Variants in ITGB5 observed in about 807,000 individuals in gnomAD.
ITGB5 encodes the protein integrin subunit beta 5, also known as integrin beta-5.
ITGB5 carries 38 observed loss-of-function variants against 84.8 expected under a neutral mutation model. The ratio of observed to expected loss-of-function variants is 0.45; its 90% CI spans 0.35 to 0.59. ITGB5 has a LOEUF of 0.59. Ranked by LOEUF, ITGB5 falls within the 20% of genes least tolerant of loss-of-function variation. The pLI, the probability that ITGB5 is intolerant of heterozygous loss-of-function variation, is 0.01. For missense variants in ITGB5, 905 were observed against 1,034.5 expected (o/e 0.87, Z 1.72); for synonymous variants, 393 against 414.4 (o/e 0.95, Z 0.63).
At chr3:124,771,852 T>TGTC (rs1408481445) in intron 11 of ITGB5, among the ~76,000 whole-genome samples, 2 of 152,018 alleles carry the variant, frequency 1.3e-5, no homozygotes, top group Non-Finnish European at 2.9e-5. Flanking sequence ...ATTAAGTCTA[T>TGTC]GTCTTCTAAG....
At chr3:124,822,909 G>A (rs66464554) in intron 5 of ITGB5, among the ~76,000 whole-genome samples, 15,447 of 152,204 alleles carry the variant, frequency 0.1, 929 homozygotes, top group South Asian at 0.2. Flanking sequence ...GGAGGAGGGA[G>A]AGGCTTCCCA....
chr3:124,880,820 T>G (rs529156536), intron 1 of ITGB5, among the ~76,000 whole-genome samples: 4 of 151,406 alleles, frequency 2.6e-5, no homozygotes, highest in South Asian at 2.1e-4. Flanking sequence ...TCCCAGCTAC[T>G]TGGAAGGCTG....
chr3:124,768,982 G>A (rs3816693), intron 12 of ITGB5, 31 bp downstream of exon 12: 23,281 of 1,566,046 alleles, frequency 0.015, 321 homozygotes, highest in South Asian at 0.04. Flanking sequence ...GAGAAAAACC[G>A]TGACTGCCCG....
intron 3 of ITGB5, among the ~76,000 whole-genome samples, chr3:124,856,114 G>A (rs1333508535): frequency 6.6e-6 from 1 of 151,836 alleles, no homozygotes; most frequent in Non-Finnish European, 1.5e-5. Context: ...TCAGATTTCT[G>A]ACCTCAATCG....
intron 10 of ITGB5, among the ~76,000 whole-genome samples, chr3:124,781,940 G>A (rs6787433): frequency 0.1 from 15,438 of 152,226 alleles, 1,338 homozygotes; most frequent in African/African-American, 0.23. Flanking sequence ...CTCACCAGTA[G>A]GAGAGGAATA....
In ITGB5 at chr3:124,859,460, AAG is replaced by A; in HGVS notation, c.157-16_157-15del. The stretch of plus-strand genomic sequence containing the variant: ...GCTTCCGAAGTCCTAGGCAGGGAAA[AAG>A]AGGAAGAGAGCAGGAGGTGGTCAGG... On this transcript the variant is annotated splice_polypyrimidine_tract_variant and intron_variant, in intron 2 of 14. Transcript: ENST00000296181. The A allele has an allele frequency of 6.2e-7, 1 of 1,609,690 alleles. No homozygotes were observed. The highest frequency in any genetic ancestry group is 2.2e-5 in the East Asian group (1 of 44,840).
intron 5 of ITGB5, among the ~76,000 whole-genome samples, chr3:124,837,772 T>C (rs546373407): frequency 1.2e-3 from 189 of 151,744 alleles, no homozygotes; most frequent in African/African-American, 4.4e-3. Context: ...AAAACCAGAG[T>C]GAGAATAAAA....
In ITGB5 at chr3:124,764,521, A is replaced by C; in HGVS notation, c.2174T>G (p.Leu725Arg). The C allele has an allele frequency of 6.2e-7, 1 of 1,613,912 alleles. No individual in the cohort carries two copies. Among genetic ancestry groups the C allele is most frequent in the Non-Finnish European group, 8.5e-7 (1 of 1,179,852 alleles). Residue 725 changes from leucine (L) to arginine (R), a missense_variant, in exon 14 of 15, where the codon CTG (leucine) becomes CGG (arginine). Transcript: ENST00000296181. ...AAGGAGGATGCTACCGACCACAGCC[A>C]GGAGGATGGTCATGGCGTTGGGGGT... ...GNTPNAMTILLAVVGSILLVG... is the reference protein window; with the variant it reads ...GNTPNAMTILRAVVGSILLVG...
At chr3:124,771,285 A>T (rs894039579) in intron 11 of ITGB5, among the ~76,000 whole-genome samples, 4 of 152,056 alleles carry the variant, frequency 2.6e-5, no homozygotes, top group Admixed American at 2.6e-4. Context: ...AAACCCCCAG[A>T]AAAAAAAGGA....
In ITGB5 at chr3:124,786,332, T is replaced by C. The variant is rs573213467; in HGVS notation, c.1693+10056A>G. 2.6e-5 allele frequency among the ~76,000 whole-genome samples: 4 copies of C among 151,272 alleles called. No individual in the cohort carries two copies. The East Asian group carries it at 7.8e-4, about 30-fold the overall frequency. On this transcript the variant is annotated intron_variant, in intron 10 of 14. Coordinates refer to ENST00000296181, the MANE Select transcript of ITGB5 (RefSeq NM_002213.5). Reference sequence around the variant, plus strand: ...AGGGAGGATTGCTTGAGCCCAGGAGTTTGAGGCTGCAGTAGGCTACTGAGT... The same window carrying C: ...AGGGAGGATTGCTTGAGCCCAGGAGCTTGAGGCTGCAGTAGGCTACTGAGT...
At chr3:124,798,608 C>A (rs552716173) in intron 9 of ITGB5, among the ~76,000 whole-genome samples, 1 of 151,246 alleles carries the variant, frequency 6.6e-6, no homozygotes, top group South Asian at 2.1e-4. Context: ...TTGGTAGAGA[C>A]GGAGATGGGG....
At chr3:124,874,613 A>G (rs1934222861) in intron 1 of ITGB5, among the ~76,000 whole-genome samples, 1 of 152,232 alleles carries the variant, frequency 6.6e-6, no homozygotes, top group Non-Finnish European at 1.5e-5. Context: ...TATACTACAA[A>G]GCAACTGTAA....
intron 1 of ITGB5, among the ~76,000 whole-genome samples, chr3:124,874,085 G>T (rs1196553295): frequency 1.3e-5 from 2 of 149,416 alleles, no homozygotes; most frequent in African/African-American, 4.9e-5. Flanking sequence ...AAAACCCAAG[G>T]CTAGGCATGG....
intron 8 of ITGB5, among the ~76,000 whole-genome samples, chr3:124,817,137 C>G (rs1442709047): frequency 6.6e-6 from 1 of 152,196 alleles, no homozygotes; most frequent in African/African-American, 2.4e-5. Flanking sequence ...CTACCCTGAG[C>G]TCCATGAGCC....
chr3:124,863,729 G>A (rs2065339350), intron 2 of ITGB5, among the ~76,000 whole-genome samples: 1 of 152,140 alleles, frequency 6.6e-6, no homozygotes, highest in African/African-American at 2.4e-5. Flanking sequence ...ATGTTGACCA[G>A]GCTGGTCTTG....
intron 11 of ITGB5, 150 bp downstream of exon 11, chr3:124,773,540 T>G (rs913604237): frequency 1.5e-6 from 1 of 650,232 alleles, no homozygotes; most frequent in Non-Finnish European, 2.7e-6. Context: ...TCAGTTACGG[T>G]TGGTAAGAAT....
intron 8 of ITGB5, among the ~76,000 whole-genome samples, chr3:124,811,898 A>G (rs2064509283): frequency 6.6e-6 from 1 of 152,172 alleles, no homozygotes; most frequent in Non-Finnish European, 1.5e-5. Context: ...GACCCACCCC[A>G]GGGCTCTTTC....
chr3:124,873,363 A>G, intron 2 of ITGB5, 83 bp downstream of exon 2: 1 of 896,026 alleles, frequency 1.1e-6, no homozygotes, highest in South Asian at 1.3e-5. Context: ...ATAGTGAATT[A>G]GTGTGTTGTG....
chr3:124,866,687 C>T (rs913441296), intron 2 of ITGB5, among the ~76,000 whole-genome samples: 8 of 152,170 alleles, frequency 5.3e-5, no homozygotes, highest in African/African-American at 1.9e-4. Flanking sequence ...CTAAGGCCGA[C>T]CTTTCTGGCT....
Sources: allele counts gnomAD v4.1 joint callset (sites outside exome capture counted in the v4.1 genomes callset), GRCh38; gene constraint gnomAD v4.1.1; transcripts MANE v1.5; gene names NCBI Gene and HGNC (gene_info 2026-07-23, HGNC 2026-07-21).